PLEKHM2: variants seen among roughly 807,000 people sequenced by gnomAD.
PLEKHM2 encodes the protein pleckstrin homology and RUN domain containing M2.
PLEKHM2 carries 77 observed loss-of-function variants against 116.3 expected under a neutral mutation model. The ratio of observed to expected loss-of-function variants is 0.66; its 90% CI spans 0.55 to 0.80. PLEKHM2 has a LOEUF of 0.80. Among genes scored for constraint, PLEKHM2 ranks in the 30% least tolerant of loss-of-function variants. PLEKHM2 has a pLI of 0.00. For synonymous variants in PLEKHM2, 562 were observed against 571.0 expected (o/e 0.98, Z 0.22); for missense variants, 1,183 against 1,354.9 (o/e 0.87, Z 1.99).
At chr1:15,701,416 A>G (rs1641109348) in intron 1 of PLEKHM2, among the ~76,000 whole-genome samples, 1 of 147,520 alleles carries the variant, frequency 6.8e-6, no homozygotes, top group African/African-American at 2.5e-5. Flanking sequence ...CTGGGCAACA[A>G]GAGCACAACT....
At chr1:15,706,411 T>C (rs1174645368) in intron 1 of PLEKHM2, among the ~76,000 whole-genome samples, 1 of 152,190 alleles carries the variant, frequency 6.6e-6, no homozygotes, top group Non-Finnish European at 1.5e-5. Context: ...TTTGTTTTTA[T>C]TATTATTTTT....
Position 15,721,446 on chromosome 1 carries a change from C to T in PLEKHM2, c.712+58C>T. The T allele has an allele frequency of 9.7e-7, 1 of 1,030,142 alleles. No individual in the cohort carries two copies. Among genetic ancestry groups the T allele is most frequent in the Non-Finnish European group, 1.5e-6 (1 of 676,764 alleles). The allele number at this position is 1,030,142 out of a possible 1,614,324, so 63.8% of individuals were successfully genotyped here. Reference sequence around the variant, plus strand: ...TGTTTTGCAATGTTTCCATGCCAAGCTTGCTGCATGTATCAAATCAGCTCC... The same window carrying T: ...TGTTTTGCAATGTTTCCATGCCAAGTTTGCTGCATGTATCAAATCAGCTCC... On this transcript the variant is annotated intron_variant, in intron 7 of 19. Coordinates refer to ENST00000375799, the MANE Select transcript of PLEKHM2 (RefSeq NM_015164.4). This position sits in a 1 kb window ranked among gnomAD's most constrained non-coding sequence, Gnocchi z 5.1.
intron 1 of PLEKHM2, among the ~76,000 whole-genome samples, chr1:15,704,519 G>A (rs982531993): frequency 1.3e-5 from 2 of 152,116 alleles, no homozygotes; most frequent in African/African-American, 4.8e-5. Flanking sequence ...TAAAAAATGA[G>A]GATTCTTTTC....
chr1:15,725,402 C>T lies in PLEKHM2; in HGVS notation c.798C>T (p.Thr266=), dbSNP rs757482853. ...TSSKASTRSP[T]QRQNPFNEEP... is the part of the protein sequence containing the mutation. ...GCAAGGCCTCCACCAGGAGCCCCACCCAGCGCCAGAACCCCTTCAACGAGG... is the reference window on the plus strand; with the variant it reads ...GCAAGGCCTCCACCAGGAGCCCCACTCAGCGCCAGAACCCCTTCAACGAGG... The change falls in exon 8 of 20, where the codon ACC becomes ACT. Residue 266 remains threonine, a synonymous_variant. Transcript: ENST00000375799. 6.4e-7 allele frequency: 1 copy of T among 1,553,194 alleles called. No homozygotes were observed. Among genetic ancestry groups the T allele is most frequent in the South Asian group, 1.2e-5 (1 of 84,162 alleles).
chr1:15,721,506 A>C lies in PLEKHM2; in HGVS notation c.712+118A>C, dbSNP rs987618660. 3.0e-6 allele frequency: 2 copies of C among 664,570 alleles called. No individual in the cohort carries two copies. Among genetic ancestry groups the C allele is most frequent in the African/African-American group, 3.7e-5 (2 of 54,720 alleles). 41.2% of individuals were successfully genotyped at this position (664,570 alleles called of 1,614,324 possible). On this transcript the variant is annotated intron_variant, in intron 7 of 19. Coordinates refer to ENST00000375799, the MANE Select transcript of PLEKHM2 (RefSeq NM_015164.4). The surrounding 1 kb of genome is among the most constrained non-coding windows in gnomAD (Gnocchi z 5.1). ...ATAATAATATCCATAATCATAATAAAGCCAAGTTTGGTGTTCTAATAGATG... is the reference window on the plus strand; with the variant it reads ...ATAATAATATCCATAATCATAATAACGCCAAGTTTGGTGTTCTAATAGATG...
Position 15,732,631 on chromosome 1 carries a change from A to G in PLEKHM2, c.2825A>G (p.Gln942Arg). 6.2e-7 allele frequency: 1 copy of G among 1,604,748 alleles called. No homozygotes were observed. The highest frequency in any genetic ancestry group is 8.5e-7 in the Non-Finnish European group (1 of 1,175,822). The change falls in exon 19 of 20, where the codon CAG (glutamine) becomes CGG (arginine). Residue 942 changes from glutamine to arginine, a missense_variant. Around this residue, in one of 3 missense-constraint regions of PLEKHM2, gnomAD observed 594 missense variants for 720.1 expected, o/e 0.82. Transcript: ENST00000375799. Reference protein sequence around the residue: ...YCVLEFSQDSQQLLPPWVIYL... With the variant: ...YCVLEFSQDSRQLLPPWVIYL... ...CCCTAGGAGTTCTCCCAGGACAGCC[A>G]GCAGCTCCTCCCGCCCTGGGTCATC...
At chr1:15,700,719 C>T (rs539399630) in intron 1 of PLEKHM2, among the ~76,000 whole-genome samples, 56 of 152,298 alleles carry the variant, frequency 3.7e-4, no homozygotes, top group Non-Finnish European at 6.6e-4. Context: ...AATGAAATTC[C>T]TCAGCCCTGG....
chr1:15,729,727 C>G lies in PLEKHM2; in HGVS notation c.2076-70C>G. 1 of 1,420,318 alleles carries G rather than the reference C, an allele frequency of 7.0e-7. No homozygotes were observed. The highest frequency in any genetic ancestry group is 9.6e-7 in the Non-Finnish European group (1 of 1,042,812). The allele number at this position is 1,420,318 out of a possible 1,614,324, so 88.0% of individuals were successfully genotyped here. On this transcript the variant is annotated intron_variant, in intron 13 of 19. Transcript: ENST00000375799. This position sits in a 1 kb window ranked among gnomAD's most constrained non-coding sequence, Gnocchi z 4.7. ...GTGACCCCTCCAGGCCAGCAGCGCT[C>G]AAGACTAAGCCCTGTCCAGTTGAGG... is the stretch of plus-strand genomic sequence containing the variant.
Position 15,718,547 on chromosome 1 carries a change from G to A in PLEKHM2, c.387G>A (p.Leu129=), listed in dbSNP as rs985654740. Residue 129 remains leucine, a synonymous_variant, in exon 5 of 20, where the codon CTG becomes CTA. Coordinates refer to ENST00000375799, the MANE Select transcript of PLEKHM2 (RefSeq NM_015164.4). ...LLHKYYVKNA[L]VCSHDHLTLF... ...TTCTCATGTCTTGCAGGAATGCCCT[G>A]GTCTGCAGCCACGATCACCTGACGC... 1.3e-6 allele frequency: 2 copies of A among 1,569,826 alleles called. No homozygotes were observed. Among genetic ancestry groups the A allele is most frequent in the Non-Finnish European group, 1.7e-6 (2 of 1,155,010 alleles).
intron 1 of PLEKHM2, among the ~76,000 whole-genome samples, chr1:15,697,201 C>T (rs900061386): frequency 6.6e-6 from 1 of 152,228 alleles, no homozygotes; most frequent in African/African-American, 2.4e-5. Flanking sequence ...GCGTGCAGAG[C>T]TCAGAAAACC....
rs140465455 is a variant in PLEKHM2, at chr1:15,725,633, G to A, written c.941+88G>A. On this transcript the variant is annotated intron_variant, in intron 8 of 19. Coordinates refer to ENST00000375799, the MANE Select transcript of PLEKHM2 (RefSeq NM_015164.4). ...ATCAGCTGTTCATCCAGGGCAGACC[G>A]GGACACCCCCTGAGGGCAGTTGCAT... 9.0e-5 allele frequency: 86 copies of A among 957,860 alleles called. No homozygotes were observed. In the African/African-American group the frequency reaches 9.9e-4, roughly 11 times the overall value. The allele number at this position is 957,860 out of a possible 1,614,324, so 59.3% of individuals were successfully genotyped here.
chr1:15,716,687 C>T lies in PLEKHM2; in HGVS notation c.168-20C>T, dbSNP rs1297468339. On this transcript the variant is annotated intron_variant, in intron 2 of 19. Transcript: ENST00000375799. ...GGTGGCCCCATGCAGGTCACAGCAG[C>T]TCCTGTCCTGTTTTCTCAGACTGCA... 1 of 1,554,980 alleles carries T rather than the reference C, an allele frequency of 6.4e-7. No homozygotes were observed. Among genetic ancestry groups the T allele is most frequent in the Non-Finnish European group, 8.7e-7 (1 of 1,148,838 alleles).
intron 1 of PLEKHM2, among the ~76,000 whole-genome samples, chr1:15,709,117 T>G (rs1466727956): frequency 6.6e-6 from 1 of 152,166 alleles, no homozygotes; most frequent in Non-Finnish European, 1.5e-5. Flanking sequence ...ATCCACACTC[T>G]TAACAGCTCT....
At position 15,707,826 on chromosome 1, in the gene PLEKHM2, C is replaced by G. The variant is rs1407768467; in HGVS notation, c.61-8411C>G. On this transcript the variant is annotated intron_variant, in intron 1 of 19. Coordinates refer to ENST00000375799, the MANE Select transcript of PLEKHM2 (RefSeq NM_015164.4). ...CTGGCTGCTCTCCTTGGTCTGTCTT[C>G]CAAGAAGCAGAACTGGAGAAGACTC... Among the ~76,000 whole-genome samples, 8 of 152,222 alleles carry G rather than the reference C, an allele frequency of 5.3e-5. 1 individual carries two copies. Among genetic ancestry groups the G allele is most frequent in the South Asian group, 4.1e-4 (2 of 4,830 alleles).
intron 1 of PLEKHM2, among the ~76,000 whole-genome samples, chr1:15,702,583 A>G (rs1387191458): frequency 1.3e-5 from 2 of 151,756 alleles, no homozygotes; most frequent in African/African-American, 4.8e-5. Flanking sequence ...ACGCCCAGCT[A>G]ATTTTTGTAT....
chr1:15,727,388 C>G lies in PLEKHM2; in HGVS notation c.1316C>G (p.Thr439Ser). Reference protein sequence around the residue: ...RAEPPDQSFRTGSPGDAPERP... With the variant: ...RAEPPDQSFRSGSPGDAPERP... ...GAGCCCCCAGACCAGTCCTTTCGGA[C>G]CGGCTCTCCCGGGGATGCCCCGGAG... The change falls in exon 9 of 20, where the codon ACC (threonine) becomes AGC (serine). Residue 439 changes from threonine (T) to serine (S), a missense_variant. Physicochemically the swap from Thr to Ser is moderately conservative, Grantham distance 58. Transcript: ENST00000375799. This position sits in a 1 kb window ranked among gnomAD's most constrained non-coding sequence, Gnocchi z 7.5. The G allele has an allele frequency of 6.2e-7, 1 of 1,602,780 alleles. No individual in the cohort carries two copies. Among genetic ancestry groups the G allele is most frequent in the Non-Finnish European group, 8.5e-7 (1 of 1,175,418 alleles).
upstream of PLEKHM2, among the ~76,000 whole-genome samples, chr1:15,682,645 A>AC (rs1427222080): frequency 3.7e-5 from 3 of 81,186 alleles, no homozygotes; most frequent in African/African-American, 2.6e-4. Flanking sequence ...AAACAAAACA[A>AC]AAAAAACAAA....
At position 15,729,238 on chromosome 1, in the gene PLEKHM2, G is replaced by GC; in HGVS notation, c.2075+51dup. The GC allele has an allele frequency of 2.0e-6, 3 of 1,495,216 alleles. No individual in the cohort carries two copies. 92.6% of individuals were successfully genotyped at this position (1,495,216 alleles called of 1,614,324 possible). A position where few individuals can be genotyped will look rare whatever the true frequency, so the allele number is the denominator to read the frequency against. ...TGGAAGGATTGGAGAGTTCGCAGCC[G>GC]CCCATAGGTGTGGGTGGCCTGGGGG... On this transcript the variant is annotated intron_variant, in intron 13 of 19. Transcript: ENST00000375799. This position sits in a 1 kb window ranked among gnomAD's most constrained non-coding sequence, Gnocchi z 4.7.
rs758159628 is a variant in PLEKHM2, at chr1:15,727,871, C to T, written c.1760+39C>T. The T allele has an allele frequency of 8.3e-5, 120 of 1,451,830 alleles. No homozygotes were observed. In the Middle Eastern group the frequency reaches 1.6e-3, roughly 20 times the overall value. 89.9% of individuals were successfully genotyped at this position (1,451,830 alleles called of 1,614,324 possible). A position where few individuals can be genotyped will look rare whatever the true frequency, so the allele number is the denominator to read the frequency against. On this transcript the variant is annotated intron_variant, in intron 9 of 19. Transcript: ENST00000375799. This position sits in a 1 kb window ranked among gnomAD's most constrained non-coding sequence, Gnocchi z 7.5. ...GCAGCTGGCATGGGACTCTCCCAGC[C>T]CTTGAAGCTGGGGACACTGTGCCTC...
Sources: allele counts gnomAD v4.1 joint callset (sites outside exome capture counted in the v4.1 genomes callset), GRCh38; gene constraint gnomAD v4.1.1; regional missense constraint gnomAD v4.1.1; non-coding constraint Gnocchi (gnomAD v3.1); transcripts MANE v1.5; gene names NCBI Gene and HGNC (gene_info 2026-07-23, HGNC 2026-07-21).